BRINP3: variants seen among roughly 807,000 people sequenced by gnomAD.
BRINP3 encodes the protein BMP/retinoic acid-inducible neural-specific protein 3.
In BRINP3, 19 loss-of-function variants were observed where a neutral mutation model predicts 71.0. That is an observed-to-expected ratio of 0.27 (90% CI 0.19 to 0.39). The LOEUF is 0.39. Ranked by LOEUF, BRINP3 falls within the 10% of genes least tolerant of loss-of-function variation. The probability of loss-of-function intolerance (pLI) is 1.00; values close to 1 mark genes in which losing one functional copy is unlikely to be tolerated. For synonymous variants in BRINP3, 380 were observed against 337.7 expected (o/e 1.13, Z -1.37); for missense variants, 959 against 940.8 (o/e 1.02, Z -0.25).
rs12753926 is a variant in BRINP3, at chr1:190,288,878, T to C, written c.237-7128A>G. On this transcript the variant is annotated intron_variant, in intron 2 of 7. Coordinates refer to ENST00000367462, the MANE Select transcript of BRINP3 (RefSeq NM_199051.3). ...TCCAGGTATAGACTAATAAGTTTAATGCTCATAAAGATAGGTAAATGTGAA... is the reference window on the plus strand; with the variant it reads ...TCCAGGTATAGACTAATAAGTTTAACGCTCATAAAGATAGGTAAATGTGAA... Among the ~76,000 whole-genome samples the C allele has an allele frequency of 3.2e-3, 481 of 152,074 alleles. 3 individuals are homozygous for C. The highest frequency in any genetic ancestry group is 3.8e-3 in the Non-Finnish European group (261 of 67,840).
chr1:190,467,149 G>C (rs1676812695), intron 1 of BRINP3, among the ~76,000 whole-genome samples: 1 of 151,472 alleles, frequency 6.6e-6, no homozygotes, highest in African/African-American at 2.4e-5. Flanking sequence ...TTCTCTCTAA[G>C]AGAGTTATAT....
intron 4 of BRINP3, among the ~76,000 whole-genome samples, chr1:190,243,514 C>T (rs531901514): frequency 6.6e-6 from 1 of 152,184 alleles, no homozygotes; most frequent in African/African-American, 2.4e-5. Flanking sequence ...GAATGGTAAA[C>T]TTGAACTTCA....
At chr1:190,472,922 T>C (rs1270695933) in intron 1 of BRINP3, among the ~76,000 whole-genome samples, 1 of 151,774 alleles carries the variant, frequency 6.6e-6, no homozygotes, top group African/African-American at 2.4e-5. Context: ...AAAATCAAGA[T>C]GTATTGTAGT....
chr1:190,100,046 A>C (rs1336968759), intron 7 of BRINP3, among the ~76,000 whole-genome samples: 2 of 152,216 alleles, frequency 1.3e-5, no homozygotes, highest in South Asian at 2.1e-4. Flanking sequence ...ATGTATGATC[A>C]TGGGAAAAGT....
intron 2 of BRINP3, among the ~76,000 whole-genome samples, chr1:190,296,463 A>ACAATTTTCACCTACAG (rs1336138595): frequency 6.6e-6 from 1 of 152,058 alleles, no homozygotes; most frequent in African/African-American, 2.4e-5. Flanking sequence ...CAGCTAACAT[A>ACAATTTTCACCTACAG]CTCAATGGTG....
chr1:190,297,880 A>G (rs1162532348), intron 2 of BRINP3, among the ~76,000 whole-genome samples: 2 of 151,902 alleles, frequency 1.3e-5, no homozygotes, highest in South Asian at 2.1e-4. Context: ...TGAAAAAAAA[A>G]TGAACTGGAA....
At chr1:190,291,771 A>T (rs996004153) in intron 2 of BRINP3, among the ~76,000 whole-genome samples, 1 of 152,164 alleles carries the variant, frequency 6.6e-6, no homozygotes, top group African/African-American at 2.4e-5. Context: ...TAAAAATAGA[A>T]CTACCATATG....
intron 2 of BRINP3, among the ~76,000 whole-genome samples, chr1:190,337,876 T>G (rs1667394927): frequency 6.6e-6 from 1 of 152,036 alleles, no homozygotes; most frequent in Non-Finnish European, 1.5e-5. Context: ...TTATTGTTGT[T>G]GTTGTTGTTG....
intron 4 of BRINP3, among the ~76,000 whole-genome samples, chr1:190,264,496 G>T (rs919671661): frequency 1.3e-5 from 2 of 152,070 alleles, no homozygotes; most frequent in African/African-American, 4.8e-5. Flanking sequence ...TCTCAGAATA[G>T]TATTTTTAAG....
intron 6 of BRINP3, among the ~76,000 whole-genome samples, chr1:190,167,569 C>T (rs1651665521): frequency 6.6e-6 from 1 of 151,870 alleles, no homozygotes; most frequent in African/African-American, 2.4e-5. Context: ...CTAAATAAAT[C>T]TTTCACCTCT....
intron 2 of BRINP3, among the ~76,000 whole-genome samples, chr1:190,435,322 A>G (rs566322124): frequency 6.6e-6 from 1 of 152,206 alleles, no homozygotes; most frequent in South Asian, 2.1e-4. Flanking sequence ...TAAAAAATAG[A>G]CATTTGGCTA....
At chr1:190,441,252 AC>A (rs1674800431) in intron 2 of BRINP3, among the ~76,000 whole-genome samples, 1 of 152,038 alleles carries the variant, frequency 6.6e-6, no homozygotes, top group African/African-American at 2.4e-5. Context: ...GAAATGAGGA[AC>A]ACACAGTGTA....
chr1:190,224,052 A>G (rs1380285889), intron 6 of BRINP3, among the ~76,000 whole-genome samples: 1 of 151,810 alleles, frequency 6.6e-6, no homozygotes, highest in Non-Finnish European at 1.5e-5. Flanking sequence ...ATGTTGTTAA[A>G]ATGACAATAC....
intron 2 of BRINP3, among the ~76,000 whole-genome samples, chr1:190,450,151 A>C (rs981028610): frequency 6.6e-6 from 1 of 152,122 alleles, no homozygotes; most frequent in Non-Finnish European, 1.5e-5. Flanking sequence ...CTGTGGCTAC[A>C]TCTCAAGGTA....
chr1:190,302,249 T>TTA lies in BRINP3; in HGVS notation c.237-20501_237-20500dup, dbSNP rs1447407097. Among the ~76,000 whole-genome samples, 7 of 147,570 alleles carry TTA rather than the reference T, an allele frequency of 4.7e-5. No homozygotes were observed. In the South Asian group the frequency reaches 8.4e-4, roughly 18 times the overall value. On this transcript the variant is annotated intron_variant, in intron 2 of 7. Transcript: ENST00000367462. ...AAGAAGTGTATATATATACATAAAT[T>TTA]TATATATATATTTTATATATATATA...
intron 6 of BRINP3, among the ~76,000 whole-genome samples, chr1:190,181,613 C>A (rs1653037195): frequency 6.6e-6 from 1 of 151,928 alleles, no homozygotes; most frequent in Non-Finnish European, 1.5e-5. Flanking sequence ...TCATGGTGGA[C>A]TAGTGTAGGT....
At chr1:190,301,141 A>G (rs1437041267) in intron 2 of BRINP3, among the ~76,000 whole-genome samples, 1 of 145,766 alleles carries the variant, frequency 6.9e-6, no homozygotes, top group Non-Finnish European at 1.5e-5. Context: ...ATACATATAT[A>G]TATACACACA....
intron 2 of BRINP3, among the ~76,000 whole-genome samples, chr1:190,444,596 T>C (rs1426261796): frequency 2.6e-5 from 4 of 152,054 alleles, no homozygotes; most frequent in Non-Finnish European, 5.9e-5. Context: ...GTTCAGTGGC[T>C]CGAACTCAGC....
At chr1:190,265,850 T>A (rs770521756) in intron 3 of BRINP3, among the ~76,000 whole-genome samples, 1 of 152,148 alleles carries the variant, frequency 6.6e-6, no homozygotes, top group Non-Finnish European at 1.5e-5. Context: ...AGATAAAGCA[T>A]GTGTATGCAT....
Sources: allele counts gnomAD v4.1 joint callset (sites outside exome capture counted in the v4.1 genomes callset), GRCh38; gene constraint gnomAD v4.1.1; transcripts MANE v1.5; gene names NCBI Gene and HGNC (gene_info 2026-07-23, HGNC 2026-07-21).